ARSG: variants seen among roughly 807,000 people sequenced by gnomAD.
The protein encoded by ARSG is arylsulfatase G.
A neutral mutation model predicts 50.5 loss-of-function variants in ARSG; 37 were observed. That is an observed-to-expected ratio of 0.73 (90% CI 0.56 to 0.96). The LOEUF is 0.96. Among genes scored for constraint, ARSG ranks in the 50% least tolerant of loss-of-function variants. ARSG has a pLI of 0.00. For synonymous variants in ARSG, 225 were observed against 254.6 expected (o/e 0.88, Z 1.11); for missense variants, 629 against 675.3 (o/e 0.93, Z 0.76).
intron 2 of ARSG, among the ~76,000 whole-genome samples, chr17:68,313,683 C>CTTTTTTT (rs58911609): frequency 1.3e-4 from 17 of 128,202 alleles, no homozygotes; most frequent in Middle Eastern, 4.3e-3. Context: ...CTCTCTCTCT[C>CTTTTTTT]TTTTTTTTTT....
chr17:68,411,635 T>C (rs1243891610), intron 11 of ARSG, among the ~76,000 whole-genome samples: 6 of 147,554 alleles, frequency 4.1e-5, no homozygotes, highest in Non-Finnish European at 7.4e-5. Context: ...AGATGTCTGT[T>C]AGGTCCGCTT....
At chr17:68,323,397 G>T (rs529859788) in intron 2 of ARSG, among the ~76,000 whole-genome samples, 2 of 151,606 alleles carry the variant, frequency 1.3e-5, no homozygotes, top group South Asian at 2.1e-4. Context: ...GAGAGAGAAA[G>T]AACCCTCTTA....
At chr17:68,379,220 A>G (rs948861243) in intron 8 of ARSG, among the ~76,000 whole-genome samples, 1 of 152,052 alleles carries the variant, frequency 6.6e-6, no homozygotes, top group Non-Finnish European at 1.5e-5. Flanking sequence ...GACATACTAC[A>G]CTTAGAAACA....
chr17:68,427,183 C>A (rs1314011523), downstream of ARSG: 1 of 1,614,058 alleles, frequency 6.2e-7, no homozygotes, highest in Non-Finnish European at 8.5e-7. Context: ...ACGGTCGCTG[C>A]ATAAGACTGA....
upstream of ARSG, among the ~76,000 whole-genome samples, chr17:68,289,637 C>G (rs781849207): frequency 6.6e-6 from 1 of 152,208 alleles, no homozygotes; most frequent in Non-Finnish European, 1.5e-5. Flanking sequence ...CATCTGCATT[C>G]TCTATTTAAA....
chr17:68,426,253 G>GGGGGGGGGGGGA, downstream of ARSG: 1 of 841,016 alleles, frequency 1.2e-6, no homozygotes, highest in Non-Finnish European at 1.9e-6. Flanking sequence ...GGGGAGCGGG[G>GGGGGGGGGGGGA]GCTCAAATAA....
intron 8 of ARSG, among the ~76,000 whole-genome samples, chr17:68,371,148 A>G (rs1001354046): frequency 1.3e-5 from 2 of 151,904 alleles, no homozygotes; most frequent in Non-Finnish European, 2.9e-5. Context: ...GTGAAACCCC[A>G]TCTCTACTAA....
intron 2 of ARSG, among the ~76,000 whole-genome samples, chr17:68,317,536 T>C (rs2077115833): frequency 6.6e-6 from 1 of 151,438 alleles, no homozygotes; most frequent in South Asian, 2.1e-4. Flanking sequence ...TCAGAGGGCG[T>C]TGTCGTTTAG....
At chr17:68,310,000 T>TTCCG (rs1357680359) in intron 2 of ARSG, among the ~76,000 whole-genome samples, 1 of 147,360 alleles carries the variant, frequency 6.8e-6, no homozygotes, top group Admixed American at 6.8e-5. Context: ...TGAGATGGAG[T>TTCCG]TCCGCTCTTG....
chr17:68,269,801 A>G (rs1275465366), intron 1 of ARSG, among the ~76,000 whole-genome samples: 7 of 151,052 alleles, frequency 4.6e-5, no homozygotes, highest in African/African-American at 1.5e-4. Context: ...AGCCTCCCGA[A>G]TAGCTGGGAT....
At chr17:68,262,198 G>T (rs1252203324) in intron 1 of ARSG, among the ~76,000 whole-genome samples, 1 of 151,548 alleles carries the variant, frequency 6.6e-6, no homozygotes, top group Non-Finnish European at 1.5e-5. Flanking sequence ...AGGGCCGGGC[G>T]TAGTGGCTCA....
At chr17:68,419,940 C>A (rs552783515) in intron 11 of ARSG, among the ~76,000 whole-genome samples, 2 of 152,018 alleles carry the variant, frequency 1.3e-5, no homozygotes, top group East Asian at 3.9e-4. Context: ...GCCTGGGCAA[C>A]GAAGCCAGAC....
Position 68,420,508 on chromosome 17 carries a change from C to A in ARSG, c.*45C>A, listed in dbSNP as rs1158719152. ...CGAGGAGGAGTACCTGGAAATTAGGCAAGTTTGCTTCCAAATTTCATTTTT... is the reference window on the plus strand; with the variant it reads ...CGAGGAGGAGTACCTGGAAATTAGGAAAGTTTGCTTCCAAATTTCATTTTT... On this transcript the variant is annotated 3_prime_UTR_variant, in exon 12 of 12. Transcript: ENST00000621439. The A allele has an allele frequency of 6.3e-7, 1 of 1,581,512 alleles. No homozygotes were observed. Among genetic ancestry groups the A allele is most frequent in the Non-Finnish European group, 8.6e-7 (1 of 1,158,414 alleles).
In ARSG at chr17:68,270,000, A is replaced by G. The variant is rs2075284674; in HGVS notation, c.-552+10574A>G. Among the ~76,000 whole-genome samples the G allele has an allele frequency of 3.9e-5, 6 of 152,236 alleles. No individual in the cohort carries two copies. The South Asian group carries it at 1.2e-3, about 32-fold the overall frequency. ...TTTTAGGTATCTTTTGACAGGGGGT[A>G]CGATTTCTAATCACAAACACTTTAA... is the stretch of plus-strand genomic sequence containing the variant. On this transcript the variant is annotated intron_variant, in intron 1 of 11. Coordinates refer to the ARSG transcript ENST00000448504.
chr17:68,333,665 A>G (rs2077886668), intron 2 of ARSG, among the ~76,000 whole-genome samples: 1 of 149,330 alleles, frequency 6.7e-6, no homozygotes, highest in Non-Finnish European at 1.5e-5. Context: ...TAATAATAAT[A>G]ATAATAATAA....
intron 1 of ARSG, among the ~76,000 whole-genome samples, chr17:68,283,878 C>CAAAAAAA (rs58291216): frequency 2.2e-4 from 12 of 55,410 alleles, no homozygotes; most frequent in East Asian, 5.4e-4. Context: ...AACTCCGTCT[C>CAAAAAAA]AAAAAAAAAA....
chr17:68,340,410 G>T (rs1162360360), intron 2 of ARSG, among the ~76,000 whole-genome samples: 1 of 152,024 alleles, frequency 6.6e-6, no homozygotes, highest in Non-Finnish European at 1.5e-5. Context: ...TCAGCCTCCT[G>T]AGTAGCTGGA....
intron 1 of ARSG, chr17:68,268,868 T>C: frequency 1.4e-6 from 1 of 727,478 alleles, no homozygotes; most frequent in South Asian, 2.0e-5. Context: ...GGAAGAGTGC[T>C]TGGTTGTTTT....
At chr17:68,351,496 A>G in intron 4 of ARSG, 79 bp from the exon 5 acceptor site, 1 of 773,284 alleles carries the variant, frequency 1.3e-6, no homozygotes, top group South Asian at 1.4e-5. Context: ...AGGAAATTAC[A>G]TTTTTGTCGT....
Sources: allele counts gnomAD v4.1 joint callset (sites outside exome capture counted in the v4.1 genomes callset), GRCh38; gene constraint gnomAD v4.1.1; transcripts MANE v1.5; gene names NCBI Gene and HGNC (gene_info 2026-07-23, HGNC 2026-07-21).